Variants in XKR4 observed in about 807,000 individuals in gnomAD.
The protein encoded by XKR4 is XK-related protein 4.
In XKR4, 12 loss-of-function variants were observed where a neutral mutation model predicts 53.9. The observed-to-expected ratio is 0.22, with a 90% CI of 0.14 to 0.36. The LOEUF (loss-of-function observed/expected upper bound fraction) is 0.36, where lower values mean the gene tolerates loss of function less well. Ranked by LOEUF, XKR4 falls within the 10% of genes least tolerant of loss-of-function variation. The pLI is 1.00. For synonymous variants in XKR4, 354 were observed against 362.4 expected, an observed-to-expected ratio of 0.98 and a Z score of 0.26; for missense variants, 799 against 859.5, an observed-to-expected ratio of 0.93 and a Z score of 0.88.
intron 2 of XKR4, chr8:55,520,862 G>T (rs1440494339): frequency 6.6e-6 from 1 of 152,224 alleles, no homozygotes; most frequent in African/African-American, 2.4e-5. Flanking sequence ...GGAGGCTAAT[G>T]TTTCTATTCT....
intron 1 of XKR4, among the ~76,000 whole-genome samples, chr8:55,299,006 A>G (rs1819140643): frequency 6.6e-6 from 1 of 152,108 alleles, no homozygotes; most frequent in Non-Finnish European, 1.5e-5. Context: ...TCCACATTCT[A>G]TGTTGTCAAT....
chr8:55,294,532 A>G (rs1819075442), intron 1 of XKR4, among the ~76,000 whole-genome samples: 1 of 152,130 alleles, frequency 6.6e-6, no homozygotes, highest in Non-Finnish European at 1.5e-5. Context: ...TCATATCTCC[A>G]ACTGGAACGT....
intron 1 of XKR4, among the ~76,000 whole-genome samples, chr8:55,231,951 A>G (rs559475931): frequency 6.6e-6 from 1 of 152,336 alleles, no homozygotes; most frequent in African/African-American, 2.4e-5. Context: ...CTGAGGGCCA[A>G]TTATCATCTC....
chr8:55,191,628 C>A (rs1218160896), intron 1 of XKR4, among the ~76,000 whole-genome samples: 1 of 151,668 alleles, frequency 6.6e-6, no homozygotes, highest in Non-Finnish European at 1.5e-5. Context: ...TAGACTAGGA[C>A]ACGCTTCCAT....
intron 1 of XKR4, among the ~76,000 whole-genome samples, chr8:55,231,259 C>T (rs931076396): frequency 5.3e-5 from 8 of 152,152 alleles, no homozygotes; most frequent in East Asian, 1.9e-4. Flanking sequence ...GAAGTACGTA[C>T]GCAATTGAAA....
At chr8:55,221,682 G>A (rs1318909941) in intron 1 of XKR4, among the ~76,000 whole-genome samples, 1 of 152,186 alleles carries the variant, frequency 6.6e-6, no homozygotes, top group Non-Finnish European at 1.5e-5. Flanking sequence ...AACCTCCCCA[G>A]TGCAGTGATG....
intron 2 of XKR4, among the ~76,000 whole-genome samples, chr8:55,516,379 G>A (rs911778655): frequency 6.6e-6 from 1 of 152,118 alleles, no homozygotes; most frequent in South Asian, 2.1e-4. Context: ...GTAATGAATG[G>A]TCATGTGATC....
intron 1 of XKR4, among the ~76,000 whole-genome samples, chr8:55,177,375 TAATAACACAGTTAAGTACTGGGCTCCC>T (rs1345058116): frequency 6.6e-5 from 10 of 152,176 alleles, no homozygotes; most frequent in African/African-American, 2.4e-4. Context: ...TAGGGACTCC[TAATAACACAGTTAAGTACTGGGCTCCC>T]ACCCAGGGGA....
chr8:55,501,833 G>C (rs1156618874), intron 2 of XKR4, among the ~76,000 whole-genome samples: 3 of 152,044 alleles, frequency 2.0e-5, no homozygotes, highest in African/African-American at 7.2e-5. Flanking sequence ...CAGTTCTTTT[G>C]GGTATACAGT....
chr8:55,454,873 C>T (rs1008984864), intron 2 of XKR4: 9 of 762,790 alleles, frequency 1.2e-5, no homozygotes, highest in Non-Finnish European at 9.7e-6. Flanking sequence ...GCATCCTTAG[C>T]GCGTGTCGTT....
intron 1 of XKR4, among the ~76,000 whole-genome samples, chr8:55,169,860 C>T (rs910779341): frequency 6.6e-6 from 1 of 152,138 alleles, no homozygotes; most frequent in Admixed American, 6.5e-5. Flanking sequence ...AAGGAGTCAT[C>T]GTGTGCAAGG....
intron 2 of XKR4, among the ~76,000 whole-genome samples, chr8:55,519,227 C>G (rs1301200075): frequency 6.6e-6 from 1 of 152,162 alleles, no homozygotes; most frequent in Admixed American, 6.5e-5. Flanking sequence ...TATATAATCC[C>G]TTTTAGTCCC....
chr8:55,254,472 G>A (rs1265181537), intron 1 of XKR4, among the ~76,000 whole-genome samples: 1 of 152,124 alleles, frequency 6.6e-6, no homozygotes, highest in Non-Finnish European at 1.5e-5. Flanking sequence ...TCTTTTTCTA[G>A]GCAAAATCTA....
intron 1 of XKR4, among the ~76,000 whole-genome samples, chr8:55,249,247 T>C (rs989219719): frequency 6.6e-6 from 1 of 152,182 alleles, no homozygotes; most frequent in Admixed American, 6.5e-5. Context: ...AAACCTGAAA[T>C]TGGGAAGTCA....
At chr8:55,143,188 A>G (rs1056348609) in intron 1 of XKR4, among the ~76,000 whole-genome samples, 1 of 152,212 alleles carries the variant, frequency 6.6e-6, no homozygotes, top group Non-Finnish European at 1.5e-5. Flanking sequence ...ATTTATTTCC[A>G]ATTTGGGCTG....
intron 1 of XKR4, among the ~76,000 whole-genome samples, chr8:55,258,835 G>A (rs1318709403): frequency 6.6e-6 from 1 of 152,148 alleles, no homozygotes; most frequent in Non-Finnish European, 1.5e-5. Flanking sequence ...AAAAGTTCAG[G>A]ACCTGTGGCC....
intron 2 of XKR4, chr8:55,451,731 G>C: frequency 3.2e-6 from 4 of 1,231,222 alleles, no homozygotes; most frequent in Non-Finnish European, 4.8e-6. Context: ...GAGAAATGCG[G>C]AAGGATTCAG....
chr8:55,518,104 T>C (rs1806742483), intron 2 of XKR4, among the ~76,000 whole-genome samples: 1 of 152,166 alleles, frequency 6.6e-6, no homozygotes, highest in Non-Finnish European at 1.5e-5. Flanking sequence ...GAGCACTTGG[T>C]TAATTTACTG....
rs567649480 is a variant in XKR4, at chr8:55,187,669, T to G, written c.806+84375T>G. Among the ~76,000 whole-genome samples, 9 of 152,356 alleles carry G rather than the reference T, an allele frequency of 5.9e-5. 1 individual carries two copies. The highest frequency in any genetic ancestry group is 2.2e-4 in the African/African-American group (9 of 41,588). On this transcript the variant is annotated intron_variant, in intron 1 of 2. Transcript: ENST00000327381. ...CAGGTTATTGTTATTGTTTTCTATTTGTCTCTGTTTGGGGATGTTTTATGT... is the reference window on the plus strand; with the variant it reads ...CAGGTTATTGTTATTGTTTTCTATTGGTCTCTGTTTGGGGATGTTTTATGT...
Sources: allele counts gnomAD v4.1 joint callset (sites outside exome capture counted in the v4.1 genomes callset), GRCh38; gene constraint gnomAD v4.1.1; transcripts MANE v1.5; gene names NCBI Gene and HGNC (gene_info 2026-07-23, HGNC 2026-07-21).